The following RGPD2 variants were observed in gnomAD, a reference collection of about 807,000 sequenced individuals.
RGPD2 encodes RANBP2-like and GRIP domain-containing protein 2.
In RGPD2, 2 loss-of-function variants were observed where a neutral mutation model predicts 36.0. That is an observed-to-expected ratio of 0.06 (90% CI 0.02 to 0.17). The LOEUF is 0.17. RGPD2 is among the 10% of genes least tolerant of loss of function. The probability of loss-of-function intolerance (pLI) is 1.00; values close to 1 mark genes in which losing one functional copy is unlikely to be tolerated. For missense variants in RGPD2, 40 were observed against 464.3 expected, an observed-to-expected ratio of 0.09 and a Z score of 8.40; for synonymous variants, 19 against 163.8, an observed-to-expected ratio of 0.12 and a Z score of 6.75.
rs760645093 is a variant in RGPD2 at position 87,825,625 on chromosome 2, TCGAGGCC to T, written c.72+26_72+32del. On this transcript the variant is annotated intron_variant, in intron 1 of 22. Coordinates refer to ENST00000398146, the MANE Select transcript of RGPD2 (RefSeq NM_001078170.3). ...AGGTCGAGGCCGCCGCCCGGCCAGGTCGAGGCCGTCGGTCTCTTCGAGATCCACTCAC... is the reference window on the plus strand; with the variant it reads ...AGGTCGAGGCCGCCGCCCGGCCAGGTGTCGGTCTCTTCGAGATCCACTCAC... 4 of 1,496,662 alleles carry T rather than the reference TCGAGGCC, an allele frequency of 2.7e-6. No individual in the cohort carries two copies. The South Asian group carries it at 3.6e-5, about 13-fold the overall frequency. The allele number at this position is 1,496,662 out of a possible 1,614,324, so 92.7% of individuals were successfully genotyped here.
the RGPD2 span, among the ~76,000 whole-genome samples, chr2:87,947,707 T>TAAA: frequency 6.6e-6 from 1 of 152,086 alleles, no homozygotes; most frequent in Non-Finnish European, 1.5e-5. Flanking sequence ...AAACATACTT[T>TAAA]GTAAAGTCCT....
At chr2:87,933,664 A>G in the RGPD2 span, among the ~76,000 whole-genome samples, 1 of 149,122 alleles carries the variant, frequency 6.7e-6, no homozygotes, top group Non-Finnish European at 1.5e-5. Context: ...TGTTTCAGAA[A>G]GGTAGTGTTT....
the RGPD2 span, among the ~76,000 whole-genome samples, chr2:87,832,365 G>C: frequency 7.9e-5 from 12 of 151,634 alleles, no homozygotes; most frequent in Non-Finnish European, 1.3e-4. Flanking sequence ...GGAACAATTA[G>C]AAAATACAAC....
At chr2:87,983,878 G>A in the RGPD2 span, among the ~76,000 whole-genome samples, 42 of 152,380 alleles carry the variant, frequency 2.8e-4, no homozygotes, top group South Asian at 6.2e-4. Flanking sequence ...GGGATGATGC[G>A]TGCAAAGCAT....
At chr2:87,939,564 A>G in the RGPD2 span, among the ~76,000 whole-genome samples, 1 of 151,924 alleles carries the variant, frequency 6.6e-6, no homozygotes, top group South Asian at 2.1e-4. Context: ...TCTACCTGAA[A>G]GTGTTAGCTT....
At chr2:87,825,215 T>A in intron 1 of RGPD2, 3 of 394,494 alleles carry the variant, frequency 7.6e-6, no homozygotes, top group Non-Finnish European at 8.9e-6. Flanking sequence ...AAATACCTCA[T>A]CAACAACCGA....
chr2:87,809,300 G>A lies in RGPD2; in HGVS notation c.779+2185C>T, dbSNP rs371943821. 3.8e-4 allele frequency among the ~76,000 whole-genome samples: 58 copies of A among 150,894 alleles called. 2 individuals are homozygous for A. The highest frequency in any genetic ancestry group is 2.0e-3 in the East Asian group (10 of 5,050). On this transcript the variant is annotated intron_variant, in intron 6 of 22. Transcript: ENST00000398146. ...AGCCTGGGCAACAGAGCGAGACTCC[G>A]TCTCAAAAAAAAAAAAGATCGAGAC...
chr2:87,763,217 G>C (rs1328298055), intron 22 of RGPD2, among the ~76,000 whole-genome samples: 3 of 136,310 alleles, frequency 2.2e-5, no homozygotes. Context: ...GAGTGCAGTG[G>C]CACGATCTCA....
At chr2:87,824,304 G>A (rs1006158114) in intron 1 of RGPD2, among the ~76,000 whole-genome samples, 1 of 151,806 alleles carries the variant, frequency 6.6e-6, no homozygotes, top group African/African-American at 2.4e-5. Context: ...AAAAGCACAT[G>A]TGAGGGAGTA....
upstream of RGPD2, among the ~76,000 whole-genome samples, chr2:87,827,727 T>G (rs2104394302): frequency 2.0e-5 from 1 of 50,988 alleles, no homozygotes; most frequent in South Asian, 7.1e-4. Context: ...AATCAACAAA[T>G]TTTTCTTGAG....
At chr2:87,910,899 T>G in the RGPD2 span, among the ~76,000 whole-genome samples, 2 of 151,780 alleles carry the variant, frequency 1.3e-5, no homozygotes, top group Non-Finnish European at 2.9e-5. Context: ...CCATGGATAA[T>G]GAGAGATGAT....
At chr2:87,940,477 C>G in the RGPD2 span, among the ~76,000 whole-genome samples, 1 of 147,540 alleles carries the variant, frequency 6.8e-6, no homozygotes, top group Non-Finnish European at 1.5e-5. Context: ...GACCAGAAAT[C>G]TTTGTTATCC....
At chr2:87,986,391 C>T in the RGPD2 span, among the ~76,000 whole-genome samples, 4 of 149,578 alleles carry the variant, frequency 2.7e-5, no homozygotes, top group African/African-American at 9.8e-5. Context: ...CCTTGGCCTC[C>T]CAAAGCACTG....
At chr2:87,932,808 C>T in the RGPD2 span, among the ~76,000 whole-genome samples, 1 of 151,894 alleles carries the variant, frequency 6.6e-6, no homozygotes, top group South Asian at 2.1e-4. Flanking sequence ...AGAGCTTCAG[C>T]TTAGAGGTCC....
At chr2:87,853,578 A>G in the RGPD2 span, among the ~76,000 whole-genome samples, 1 of 151,096 alleles carries the variant, frequency 6.6e-6, no homozygotes, top group East Asian at 2.0e-4. Context: ...CTTTCTAATG[A>G]CTTCCAACTT....
the RGPD2 span, among the ~76,000 whole-genome samples, chr2:87,922,819 T>C: frequency 6.6e-6 from 1 of 152,230 alleles, no homozygotes; most frequent in African/African-American, 2.4e-5. Context: ...TGGGCAGAGA[T>C]GAAAATAAGA....
At chr2:87,986,175 G>C in the RGPD2 span, among the ~76,000 whole-genome samples, 192 of 132,514 alleles carry the variant, frequency 1.4e-3, 1 homozygote, top group African/African-American at 5.3e-3. Context: ...TCGCTCTGTT[G>C]CCCAGGCTGG....
the RGPD2 span, chr2:87,985,705 G>C: frequency 6.5e-7 from 1 of 1,543,786 alleles, no homozygotes; most frequent in Non-Finnish European, 8.9e-7. Context: ...AACTCATAAA[G>C]AAAACAATTG....
the RGPD2 span, among the ~76,000 whole-genome samples, chr2:87,943,569 T>C: frequency 1.3e-5 from 2 of 151,828 alleles, no homozygotes. Context: ...TTTGTAAATA[T>C]AGTCCCTCAT....
Sources: gnomAD v4.1 joint callset for allele counts (sites outside exome capture counted in the v4.1 genomes callset) on GRCh38, gnomAD v4.1.1 for gene constraint, MANE v1.5 for transcripts, NCBI Gene and HGNC (gene_info 2026-07-23, HGNC 2026-07-21) for gene names.